The following USP32 variants were observed in gnomAD, a reference collection of about 807,000 sequenced individuals.
USP32 encodes ubiquitin carboxyl-terminal hydrolase 32.
In USP32, 59 loss-of-function variants were observed where a neutral mutation model predicts 204.8. The ratio of observed to expected loss-of-function variants is 0.29; its 90% confidence interval spans 0.23 to 0.36. The LOEUF is 0.36. Among genes scored for constraint, USP32 ranks in the 10% least tolerant of loss-of-function variants. The probability of loss-of-function intolerance (pLI) is 1.00; values close to 1 mark genes in which losing one functional copy is unlikely to be tolerated. For missense variants in USP32, 1,160 were observed against 1,946.4 expected (o/e 0.60, Z 7.60); for synonymous variants, 517 against 678.4 (o/e 0.76, Z 3.70).
intron 1 of USP32, among the ~76,000 whole-genome samples, chr17:60,352,653 T>A (rs773424755): frequency 6.6e-6 from 1 of 152,200 alleles, no homozygotes; most frequent in Non-Finnish European, 1.5e-5. Context: ...TTGGTGTCGA[T>A]GCAATAAACA....
At chr17:60,211,849 T>C (rs1598072986) in intron 19 of USP32, among the ~76,000 whole-genome samples, 175 bp downstream of exon 19, 1 of 152,006 alleles carries the variant, frequency 6.6e-6, no homozygotes, top group South Asian at 2.1e-4. Flanking sequence ...TAGAAAATAA[T>C]TTGATGGTGG....
At chr17:60,279,874 TAAA>T (rs1445407232) in intron 5 of USP32, among the ~76,000 whole-genome samples, 135 of 150,496 alleles carry the variant, frequency 9.0e-4, no homozygotes, top group African/African-American at 3.1e-3. Flanking sequence ...ATAATAATAA[TAAA>T]ATGTTTAAAC....
At chr17:60,263,123 C>G (rs926667163) in intron 9 of USP32, among the ~76,000 whole-genome samples, 2 of 151,882 alleles carry the variant, frequency 1.3e-5, no homozygotes, top group African/African-American at 4.8e-5. Flanking sequence ...TACGTTTTTT[C>G]TTTTTTTAGA....
At chr17:60,326,125 C>T (rs983514518) in intron 2 of USP32, among the ~76,000 whole-genome samples, 1 of 151,502 alleles carries the variant, frequency 6.6e-6, no homozygotes, top group Non-Finnish European at 1.5e-5. Flanking sequence ...TTTTTTTATT[C>T]TATTTTAACT....
intron 32 of USP32, 113 bp downstream of exon 32, chr17:60,181,211 G>A: frequency 7.3e-7 from 1 of 1,366,748 alleles, no homozygotes. Flanking sequence ...CTATCACTAA[G>A]CTCAATGCTA....
At chr17:60,268,769 G>A (rs537581697) in intron 7 of USP32, among the ~76,000 whole-genome samples, 25 of 151,994 alleles carry the variant, frequency 1.6e-4, no homozygotes, top group Admixed American at 8.5e-4. Flanking sequence ...TCAATTGAGC[G>A]CATCATAGTA....
At chr17:60,270,773 A>C (rs1480648465) in intron 6 of USP32, among the ~76,000 whole-genome samples, 1 of 150,636 alleles carries the variant, frequency 6.6e-6, no homozygotes, top group East Asian at 2.0e-4. Flanking sequence ...CAGTGAGCCG[A>C]GATGGCGCCA....
chr17:60,180,486 T>G, intron 33 of USP32, 59 bp downstream of exon 33: 1 of 1,541,256 alleles, frequency 6.5e-7, no homozygotes, highest in Non-Finnish European at 9.0e-7. Flanking sequence ...TCAACAAATG[T>G]TCCCCAGTTC....
intron 11 of USP32, among the ~76,000 whole-genome samples, chr17:60,243,713 G>A (rs749953885): frequency 6.6e-6 from 1 of 152,154 alleles, no homozygotes; most frequent in Non-Finnish European, 1.5e-5. Flanking sequence ...GACAAAGTTG[G>A]TCAATATGCC....
chr17:60,418,291 C>T (rs1403815975), intron 1 of USP32, among the ~76,000 whole-genome samples: 1 of 151,896 alleles, frequency 6.6e-6, no homozygotes, highest in Non-Finnish European at 1.5e-5. Context: ...CAGCATTTCA[C>T]CATCTTGGCC....
At chr17:60,273,321 C>T (rs2086766179) in intron 5 of USP32, among the ~76,000 whole-genome samples, 1 of 152,166 alleles carries the variant, frequency 6.6e-6, no homozygotes, top group South Asian at 2.1e-4. Context: ...AGAGCTCATA[C>T]AGGGCTGGGA....
intron 1 of USP32, among the ~76,000 whole-genome samples, chr17:60,381,966 A>G (rs1025742185): frequency 1.2e-4 from 18 of 152,128 alleles, no homozygotes; most frequent in Non-Finnish European, 2.4e-4. Flanking sequence ...CAGTAATGCA[A>G]TATTTACTTT....
chr17:60,285,284 T>C (rs2145838590), intron 5 of USP32, among the ~76,000 whole-genome samples: 1 of 152,340 alleles, frequency 6.6e-6, no homozygotes, highest in Non-Finnish European at 1.5e-5. Context: ...CAAAATAATT[T>C]TTTAAAAGGC....
chr17:60,401,065 A>G (rs1275919137), intron 1 of USP32, among the ~76,000 whole-genome samples: 1 of 151,998 alleles, frequency 6.6e-6, no homozygotes, highest in East Asian at 1.9e-4. Flanking sequence ...CTGTGGTGAG[A>G]GGATGGCTTG....
At chr17:60,348,873 G>A (rs1243446931) in intron 1 of USP32, among the ~76,000 whole-genome samples, 1 of 152,114 alleles carries the variant, frequency 6.6e-6, no homozygotes, top group Non-Finnish European at 1.5e-5. Context: ...ATAGAGTAAT[G>A]ATAAAACAAT....
intron 1 of USP32, among the ~76,000 whole-genome samples, chr17:60,418,398 T>TG (rs1448962335): frequency 7.0e-6 from 1 of 141,872 alleles, no homozygotes; most frequent in Non-Finnish European, 1.5e-5. Context: ...TGGCCTCTGT[T>TG]TTTTTTTTTT....
At chr17:60,305,832 G>A (rs1375430870) in intron 2 of USP32, among the ~76,000 whole-genome samples, 1 of 152,180 alleles carries the variant, frequency 6.6e-6, no homozygotes, top group Non-Finnish European at 1.5e-5. Context: ...GCAAGTACTT[G>A]TAAAATGTAA....
At position 60,226,081 on chromosome 17, in the gene USP32, T is replaced by G. The variant is rs762310364; in HGVS notation, c.1390A>C (p.Asn464His). 1 of 1,607,238 alleles carries G rather than the reference T, an allele frequency of 6.2e-7. No homozygotes were observed. Among genetic ancestry groups the G allele is most frequent in the Non-Finnish European group, 8.5e-7 (1 of 1,177,698 alleles). The change falls in exon 13 of 34, where the codon AAC becomes CAC. Residue 464 changes from asparagine to histidine, a missense_variant. Asn to His is a moderately conservative substitution (Grantham distance 68). Around this residue, in one of 8 missense-constraint regions of USP32, gnomAD observed 536 missense variants for 680.9 expected, o/e 0.79. Transcript: ENST00000300896. ...VNTTEEKFSD[N>H]ISTASEASET... Reference sequence around the variant, plus strand: ...GAGGCTTCAGATGCAGTAGAAATGTTGTCTGAAAATTTCTCTTCTGTAGTA... The same window carrying G: ...GAGGCTTCAGATGCAGTAGAAATGTGGTCTGAAAATTTCTCTTCTGTAGTA...
intron 5 of USP32, among the ~76,000 whole-genome samples, chr17:60,283,011 T>C (rs2087008129): frequency 6.6e-6 from 1 of 152,174 alleles, no homozygotes. Context: ...AAAAAGCAAA[T>C]TAATTGCTTC....
Sources: gnomAD v4.1 joint callset for allele counts (sites outside exome capture counted in the v4.1 genomes callset) on GRCh38, gnomAD v4.1.1 for gene constraint, gnomAD v4.1.1 regional missense constraint, MANE v1.5 for transcripts, NCBI Gene and HGNC (gene_info 2026-07-23, HGNC 2026-07-21) for gene names.